Variants in ERICH6B observed in about 807,000 individuals in gnomAD.
The protein encoded by ERICH6B is glutamate-rich protein 6B.
In ERICH6B, 69 loss-of-function variants were observed where a neutral mutation model predicts 80.0. The observed-to-expected ratio is 0.86, with a 90% CI of 0.71 to 1.05. ERICH6B has a LOEUF of 1.05. ERICH6B is among the 50% of genes least tolerant of loss of function. The pLI is 0.00. For missense variants in ERICH6B, 754 were observed against 796.1 expected, an observed-to-expected ratio of 0.95 and a Z score of 0.64; for synonymous variants, 283 against 291.9, an observed-to-expected ratio of 0.97 and a Z score of 0.31.
At chr13:45,606,460 G>C (rs1159729801) in intron 2 of ERICH6B, among the ~76,000 whole-genome samples, 1 of 139,384 alleles carries the variant, frequency 7.2e-6, no homozygotes, top group African/African-American at 2.7e-5. Context: ...CTGGTGGCAA[G>C]AGAAATTGCA....
chr13:45,584,912 G>A (rs1875835606), intron 5 of ERICH6B, among the ~76,000 whole-genome samples: 1 of 152,150 alleles, frequency 6.6e-6, no homozygotes, highest in Non-Finnish European at 1.5e-5. Flanking sequence ...TTCCCCTCCT[G>A]CACGGATGGT....
At position 45,549,303 on chromosome 13, in the gene ERICH6B, A is replaced by G. The variant is rs572396735; in HGVS notation, c.1646+590T>C. ...GTCACAAAAAAAAAAAAAAGTATAT[A>G]TAAGTCCCCACACCATGACCACTTA... On this transcript the variant is annotated intron_variant, in intron 13 of 14. Transcript: ENST00000298738. 3.3e-5 allele frequency among the ~76,000 whole-genome samples: 5 copies of G among 152,090 alleles called. No individual in the cohort carries two copies. In the East Asian group the frequency reaches 9.7e-4, roughly 29 times the overall value.
intron 13 of ERICH6B, among the ~76,000 whole-genome samples, chr13:45,547,493 G>A (rs994852239): frequency 3.3e-5 from 5 of 152,254 alleles, no homozygotes; most frequent in Admixed American, 6.5e-5. Flanking sequence ...AGGTGGCTAC[G>A]GACTTCCTGG....
rs558848831 is a variant in ERICH6B, at chr13:45,549,717, T to C, written c.1646+176A>G. Among the ~76,000 whole-genome samples, 7 of 152,306 alleles carry C rather than the reference T, an allele frequency of 4.6e-5. No homozygotes were observed. The South Asian group carries it at 1.4e-3, about 32-fold the overall frequency. The stretch of plus-strand genomic sequence containing the variant: ...GAGGAGCAACGGTGCAGGAAGAACA[T>C]CGTGCCTCCTCTGTGGTCAGGGACC... On this transcript the variant is annotated intron_variant, in intron 13 of 14. Transcript: ENST00000298738.
chr13:45,541,793 G>T, intron 14 of ERICH6B, 113 bp from the exon 15 acceptor site: 1 of 919,350 alleles, frequency 1.1e-6, no homozygotes, highest in Non-Finnish European at 1.7e-6. Flanking sequence ...GCCTTCACTC[G>T]AGAAAGCACA....
chr13:45,607,507 G>GTAAT (rs1430589101), intron 2 of ERICH6B, 57 bp downstream of exon 2: 23 of 152,278 alleles, frequency 1.5e-4, no homozygotes, highest in Admixed American at 1.4e-3. Context: ...TCATGACTGT[G>GTAAT]TAATCTTCAA....
At chr13:45,574,994 A>C in intron 7 of ERICH6B, 64 bp from the exon 8 acceptor site, 1 of 1,103,270 alleles carries the variant, frequency 9.1e-7, no homozygotes, top group African/African-American at 1.6e-5. Context: ...AAACATAAAA[A>C]ATTTAAAAAG....
intron 1 of ERICH6B, among the ~76,000 whole-genome samples, chr13:45,611,051 A>T (rs1413175992): frequency 6.6e-6 from 1 of 152,008 alleles, no homozygotes; most frequent in African/African-American, 2.4e-5. Context: ...TAATGAAGCA[A>T]TTTCATCATA....
chr13:45,572,496 A>G (rs1034357135), intron 8 of ERICH6B, among the ~76,000 whole-genome samples: 10 of 152,228 alleles, frequency 6.6e-5, no homozygotes, highest in African/African-American at 2.2e-4. Context: ...ACATAGTTTT[A>G]AAGAGATCCC....
At position 45,596,473 on chromosome 13, in the gene ERICH6B, T is replaced by C. The variant is rs533951122; in HGVS notation, c.533A>G (p.Glu178Gly). Residue 178 changes from glutamate (E) to glycine (G), a missense_variant, in exon 3 of 15, where the codon GAG (glutamate) becomes GGG (glycine). Glu to Gly is a moderately conservative substitution (Grantham distance 98, BLOSUM62 -2). Coordinates refer to ENST00000298738, the MANE Select transcript of ERICH6B (RefSeq NM_182542.3). ...CTCTTCCTTCTCCAGAGCCTTTTCC[T>C]CTTCTAGATATGATTTCTTCCCCAG... ...EYLGKKSYLEEEKALEKEENL... is the reference protein window; with the variant it reads ...EYLGKKSYLEGEKALEKEENL... The C allele has an allele frequency of 4.1e-5, 64 of 1,551,744 alleles. No homozygotes were observed. Among genetic ancestry groups the C allele is most frequent in the Admixed American group, 1.2e-4 (6 of 51,008 alleles).
intron 3 of ERICH6B, among the ~76,000 whole-genome samples, chr13:45,591,494 G>T (rs1007215162): frequency 6.6e-6 from 1 of 152,148 alleles, no homozygotes; most frequent in African/African-American, 2.4e-5. Flanking sequence ...TACTCGGGAG[G>T]CTGAGTCAGG....
At chr13:45,608,829 G>T (rs1411132685) in intron 1 of ERICH6B, among the ~76,000 whole-genome samples, 1 of 152,178 alleles carries the variant, frequency 6.6e-6, no homozygotes, top group Non-Finnish European at 1.5e-5. Flanking sequence ...CTTTTGGCCT[G>T]TGGGCACCGT....
At chr13:45,561,083 G>A (rs555051938) in intron 11 of ERICH6B, among the ~76,000 whole-genome samples, 5 of 152,236 alleles carry the variant, frequency 3.3e-5, no homozygotes, top group African/African-American at 1.2e-4. Flanking sequence ...ATGCCGCAGT[G>A]TCTGGCTGGG....
chr13:45,588,346 G>A (rs780132362), intron 4 of ERICH6B, among the ~76,000 whole-genome samples: 7 of 152,206 alleles, frequency 4.6e-5, no homozygotes, highest in Non-Finnish European at 1.0e-4. Context: ...CTGGGGCTTA[G>A]CAGCTAAGTT....
At chr13:45,593,424 T>C (rs1876234675) in intron 3 of ERICH6B, among the ~76,000 whole-genome samples, 1 of 152,172 alleles carries the variant, frequency 6.6e-6, no homozygotes, top group African/African-American at 2.4e-5. Context: ...AATATAATAA[T>C]ACTTATAATG....
intron 2 of ERICH6B, among the ~76,000 whole-genome samples, chr13:45,603,402 T>C (rs1949838271): frequency 6.6e-6 from 1 of 152,226 alleles, no homozygotes; most frequent in African/African-American, 2.4e-5. Context: ...TCGCTGGCTT[T>C]GAAGATGTGG....
intron 10 of ERICH6B, 44 bp from the exon 11 acceptor site, chr13:45,561,570 G>A (rs1874684412): frequency 2.6e-6 from 4 of 1,540,410 alleles, no homozygotes; most frequent in South Asian, 2.4e-5. Context: ...ATTTTGGTGG[G>A]AAAGAGAAAG....
Position 45,577,276 on chromosome 13 carries a change from C to CTTTTTT in ERICH6B, c.962-2352_962-2347dup, listed in dbSNP as rs34244794. 1.0e-3 allele frequency among the ~76,000 whole-genome samples: 88 copies of CTTTTTT among 86,082 alleles called. 8 individuals are homozygous for CTTTTTT. Among genetic ancestry groups the CTTTTTT allele is most frequent in the African/African-American group, 2.9e-3 (82 of 28,184 alleles). The allele number at this position is 86,082 out of a possible 152,430, so 56.5% of individuals were successfully genotyped here. A position where few individuals can be genotyped will look rare whatever the true frequency, so the allele number is the denominator to read the frequency against. On this transcript the variant is annotated intron_variant, in intron 7 of 14. Transcript: ENST00000298738. ...TCTCCTGGACTGATTAAAAACAAAT[C>CTTTTTT]TTTTTTTTTTTTTTTTTTTTTTTTT...
intron 1 of ERICH6B, among the ~76,000 whole-genome samples, chr13:45,614,933 A>T (rs1287132579): frequency 6.6e-6 from 1 of 152,280 alleles, no homozygotes; most frequent in Admixed American, 6.5e-5. Context: ...CAAACATGAA[A>T]TCAAAATGTT....
Sources: gnomAD v4.1 joint callset for allele counts (sites outside exome capture counted in the v4.1 genomes callset) on GRCh38, gnomAD v4.1.1 for gene constraint, MANE v1.5 for transcripts, NCBI Gene and HGNC (gene_info 2026-07-23, HGNC 2026-07-21) for gene names.